EXOC6B: variants seen among roughly 807,000 people sequenced by gnomAD.
EXOC6B encodes SEC15 homolog B.
Under a neutral mutation model 113.5 loss-of-function variants are expected in EXOC6B, and 54 were observed. That is an observed-to-expected ratio of 0.48 (90% CI 0.38 to 0.60). The LOEUF is 0.60. Among genes scored for constraint, EXOC6B ranks in the 20% least tolerant of loss-of-function variants. The pLI, the probability that EXOC6B is intolerant of heterozygous loss-of-function variation, is 0.00. For missense variants in EXOC6B, 797 were observed against 977.5 expected (o/e 0.82, Z 2.46); for synonymous variants, 357 against 339.0 (o/e 1.05, Z -0.58).
At chr2:72,768,060 T>G (rs1573764705) in intron 1 of EXOC6B, among the ~76,000 whole-genome samples, 1 of 135,800 alleles carries the variant, frequency 7.4e-6, no homozygotes, top group Non-Finnish European at 1.6e-5. Context: ...GAGGTTACAG[T>G]GAGTTGAGAT....
At chr2:72,546,645 C>T (rs566211088) in intron 8 of EXOC6B, among the ~76,000 whole-genome samples, 2 of 152,300 alleles carry the variant, frequency 1.3e-5, no homozygotes, top group East Asian at 3.9e-4. Flanking sequence ...TGCTCTGCAT[C>T]CCTTTAAGCA....
At chr2:72,559,174 A>C (rs1231806821) in intron 8 of EXOC6B, among the ~76,000 whole-genome samples, 1 of 152,232 alleles carries the variant, frequency 6.6e-6, no homozygotes, top group Non-Finnish European at 1.5e-5. Flanking sequence ...TTGTTATTTA[A>C]ATAACTACAT....
chr2:72,340,547 T>C (rs751480825), intron 19 of EXOC6B, among the ~76,000 whole-genome samples: 1 of 152,150 alleles, frequency 6.6e-6, no homozygotes, highest in South Asian at 2.1e-4. Context: ...TACAGTATTG[T>C]TTCCAGTAAA....
chr2:72,712,725 T>A (rs1679352698), intron 6 of EXOC6B, among the ~76,000 whole-genome samples: 1 of 152,192 alleles, frequency 6.6e-6, no homozygotes, highest in Non-Finnish European at 1.5e-5. Context: ...CTCCCCTGAT[T>A]AGATCAAGCC....
intron 6 of EXOC6B, among the ~76,000 whole-genome samples, chr2:72,620,925 G>A (rs184210101): frequency 6.6e-6 from 1 of 152,134 alleles, no homozygotes; most frequent in East Asian, 1.9e-4. Flanking sequence ...CTGATCATCC[G>A]AGAAACGCAA....
At chr2:72,455,048 C>A (rs979832492) in intron 18 of EXOC6B, among the ~76,000 whole-genome samples, 1 of 151,918 alleles carries the variant, frequency 6.6e-6, no homozygotes, top group African/African-American at 2.4e-5. Context: ...AATTTGTACT[C>A]CATCAGGGAA....
intron 6 of EXOC6B, among the ~76,000 whole-genome samples, chr2:72,621,755 T>A (rs1671759989): frequency 6.6e-6 from 1 of 152,162 alleles, no homozygotes. Context: ...ACATGTACAT[T>A]AATACAGATG....
At chr2:72,504,405 T>C (rs374360772) in intron 11 of EXOC6B, among the ~76,000 whole-genome samples, 1 of 152,328 alleles carries the variant, frequency 6.6e-6, no homozygotes, top group African/African-American at 2.4e-5. Context: ...AAATAAGCCA[T>C]ATGTATAATT....
chr2:72,308,324 A>G (rs1034970998), intron 20 of EXOC6B, among the ~76,000 whole-genome samples: 5 of 152,176 alleles, frequency 3.3e-5, no homozygotes, highest in Non-Finnish European at 7.3e-5. Flanking sequence ...TAAATTTATG[A>G]CATTATTAAT....
chr2:72,345,489 A>C (rs2104922137), intron 19 of EXOC6B, among the ~76,000 whole-genome samples: 1 of 152,296 alleles, frequency 6.6e-6, no homozygotes, highest in African/African-American at 2.4e-5. Context: ...AGGGAATATT[A>C]TTTAGTACTA....
chr2:72,726,787 T>C (rs1443475377), intron 5 of EXOC6B, among the ~76,000 whole-genome samples: 2 of 152,158 alleles, frequency 1.3e-5, no homozygotes, highest in Admixed American at 6.6e-5. Context: ...ATTGTAAAGA[T>C]AGAAGGAACC....
At position 72,302,764 on chromosome 2, in the gene EXOC6B, CTTCT is replaced by C. The variant is rs906195905; in HGVS notation, c.2196+32179_2196+32182del. ...TTAGGTAGACAGCATACCACTGAGT[CTTCT>C]TTCTTTTTTTTTCAGCTTGCCACTC... is the stretch of plus-strand genomic sequence containing the variant. On this transcript the variant is annotated intron_variant, in intron 20 of 21. Coordinates refer to ENST00000272427, the MANE Select transcript of EXOC6B (RefSeq NM_015189.3). Among the ~76,000 whole-genome samples, 20 of 152,010 alleles carry C rather than the reference CTTCT, an allele frequency of 1.3e-4. 1 individual carries two copies. The highest frequency in any genetic ancestry group is 1.0e-4 in the Non-Finnish European group (7 of 67,960).
chr2:72,489,468 C>T (rs1699619910), intron 16 of EXOC6B, among the ~76,000 whole-genome samples: 1 of 152,166 alleles, frequency 6.6e-6, no homozygotes, highest in South Asian at 2.1e-4. Context: ...TTAATCAGTG[C>T]TTGACTGCTT....
chr2:72,238,796 A>C (rs1049706029), intron 20 of EXOC6B, among the ~76,000 whole-genome samples: 1 of 152,176 alleles, frequency 6.6e-6, no homozygotes. Context: ...TCTAGATATA[A>C]GTTCCTTATC....
At chr2:72,723,141 C>G (rs918182554) in intron 5 of EXOC6B, among the ~76,000 whole-genome samples, 1 of 152,090 alleles carries the variant, frequency 6.6e-6, no homozygotes, top group Non-Finnish European at 1.5e-5. Context: ...GTCCAGTGAC[C>G]ACGGAAATCC....
At chr2:72,246,860 T>C (rs1006713938) in intron 20 of EXOC6B, among the ~76,000 whole-genome samples, 7 of 152,240 alleles carry the variant, frequency 4.6e-5, no homozygotes, top group African/African-American at 1.7e-4. Flanking sequence ...GGTAAGAGGC[T>C]GGAGAATATT....
chr2:72,561,937 A>G (rs1703907631), intron 7 of EXOC6B, among the ~76,000 whole-genome samples: 1 of 152,176 alleles, frequency 6.6e-6, no homozygotes, highest in Non-Finnish European at 1.5e-5. Flanking sequence ...CTTTGAAAGC[A>G]GTACACAGAA....
intron 16 of EXOC6B, among the ~76,000 whole-genome samples, chr2:72,488,051 G>A (rs1314027514): frequency 6.6e-6 from 1 of 152,162 alleles, no homozygotes; most frequent in Non-Finnish European, 1.5e-5. Flanking sequence ...TCAATCAGGA[G>A]TTTCCTTCCA....
chr2:72,335,594 A>G (rs1246140638), intron 19 of EXOC6B, among the ~76,000 whole-genome samples: 2 of 134,710 alleles, frequency 1.5e-5, no homozygotes, highest in Admixed American at 7.6e-5. Flanking sequence ...ACACACACAC[A>G]CGCATCCCAG....
Sources: allele counts gnomAD v4.1 joint callset (sites outside exome capture counted in the v4.1 genomes callset), GRCh38; gene constraint gnomAD v4.1.1; transcripts MANE v1.5; gene names NCBI Gene and HGNC (gene_info 2026-07-23, HGNC 2026-07-21).